The following GFOD2 variants were observed in gnomAD, a reference collection of about 807,000 sequenced individuals.
The protein encoded by GFOD2 is Gfo/Idh/MocA-like oxidoreductase domain containing 2.
GFOD2 carries 9 observed loss-of-function variants against 24.6 expected under a neutral mutation model. That is an observed-to-expected ratio of 0.37 (90% confidence interval 0.22 to 0.64). GFOD2 has a LOEUF of 0.64. Ranked by LOEUF, GFOD2 falls within the 30% of genes least tolerant of loss-of-function variation. GFOD2 has a pLI of 0.65. For synonymous variants in GFOD2, 211 were observed against 224.8 expected (o/e 0.94, Z 0.55); for missense variants, 476 against 532.5 (o/e 0.89, Z 1.04).
Position 67,685,466 on chromosome 16 carries a change from T to C in GFOD2, c.250A>G (p.Lys84Glu). The C allele has an allele frequency of 1.2e-6, 2 of 1,614,112 alleles. No homozygotes were observed. Among genetic ancestry groups the C allele is most frequent in the Non-Finnish European group, 8.5e-7 (1 of 1,180,018 alleles). ...PPPLTRQISV[K>E]ALGIGKNVVC... ...GGCCTGCCGGGCGTACCTAGAGCCT[T>C]CACGGATATCTGCCGGGTGAGTGGA... Residue 84 changes from lysine (K) to glutamate (E), a missense_variant, in exon 2 of 3, where the codon AAG (lysine) becomes GAG (glutamate). Lys to Glu is a moderately conservative substitution (Grantham distance 56). Coordinates refer to ENST00000268797, the MANE Select transcript of GFOD2 (RefSeq NM_030819.4).
chr16:67,700,017 GTGAGCCATTTT>G (rs1199947647), intron 1 of GFOD2, among the ~76,000 whole-genome samples: 1 of 152,144 alleles, frequency 6.6e-6, no homozygotes, highest in Non-Finnish European at 1.5e-5. Flanking sequence ...GGAGGTTGCA[GTGAGCCATTTT>G]TGCACCACTA....
intron 1 of GFOD2, among the ~76,000 whole-genome samples, chr16:67,710,465 C>T (rs1293156632): frequency 6.6e-6 from 1 of 150,964 alleles, no homozygotes; most frequent in African/African-American, 2.4e-5. Flanking sequence ...CCCGGGTTCA[C>T]GCCATTCTCC....
Position 67,691,510 on chromosome 16 carries a change from C to A in GFOD2, c.-87-5708G>T, listed in dbSNP as rs571277222. On this transcript the variant is annotated intron_variant, in intron 1 of 2. Transcript: ENST00000268797. The stretch of plus-strand genomic sequence containing the variant: ...GAAGCAAGTCACACTGTGCCTAGAC[C>A]CCCCCCCAAAAAAAAAAAAATTAAG... Among the ~76,000 whole-genome samples, 11 of 144,694 alleles carry A rather than the reference C, an allele frequency of 7.6e-5. No homozygotes were observed. In the East Asian group the frequency reaches 7.8e-4, roughly 10 times the overall value. 94.9% of individuals were successfully genotyped at this position (144,694 alleles called of 152,430 possible). A position where few individuals can be genotyped will look rare whatever the true frequency, so the allele number is the denominator to read the frequency against.
intron 2 of GFOD2, chr16:67,681,253 CAG>C (rs1351391197): frequency 2.0e-6 from 2 of 985,290 alleles, no homozygotes; most frequent in Non-Finnish European, 2.4e-6. Flanking sequence ...CTGCTGGCGA[CAG>C]AGTGGATACT....
chr16:67,710,980 C>T lies in GFOD2; in HGVS notation c.-88+8183G>A, dbSNP rs1259987198. ...TTGACATTGGTTGTGCAGTAAAAGG[C>T]ACAGCAGCCCAATGTCATTAAAAAC... On this transcript the variant is annotated intron_variant, in intron 1 of 2. Coordinates refer to ENST00000268797, the MANE Select transcript of GFOD2 (RefSeq NM_030819.4). Among the ~76,000 whole-genome samples, 4 of 152,276 alleles carry T rather than the reference C, an allele frequency of 2.6e-5. No individual in the cohort carries two copies. The East Asian group carries it at 7.7e-4, about 29-fold the overall frequency.
At chr16:67,688,032 T>C (rs1406899287) in intron 1 of GFOD2, among the ~76,000 whole-genome samples, 1 of 152,166 alleles carries the variant, frequency 6.6e-6, no homozygotes, top group Admixed American at 6.5e-5. Flanking sequence ...TTGGCTATCA[T>C]AGTGAAAAAC....
At chr16:67,676,655 T>G (rs1020150207) in intron 2 of GFOD2, 1 of 152,352 alleles carries the variant, frequency 6.6e-6, no homozygotes. Context: ...TAAGATTCCC[T>G]GCAGATTGTT....
At position 67,703,191 on chromosome 16, in the gene GFOD2, G is replaced by A. The variant is rs192680021; in HGVS notation, c.-88+15972C>T. 2.8e-3 allele frequency among the ~76,000 whole-genome samples: 425 copies of A among 152,210 alleles called. 1 individual carries two copies. Among genetic ancestry groups the A allele is most frequent in the Non-Finnish European group, 5.2e-3 (351 of 68,004 alleles). On this transcript the variant is annotated intron_variant, in intron 1 of 2. Transcript: ENST00000268797. ...GGCTGAGGCGGGCGGATCACCTGAG[G>A]TTGGGAGTTCCAGACCAGCCTGACC...
At chr16:67,680,829 A>C in intron 2 of GFOD2, 12 of 982,756 alleles carry the variant, frequency 1.2e-5, no homozygotes, top group Non-Finnish European at 1.5e-5. Context: ...TTTGTTACAT[A>C]TGTATACATG....
At chr16:67,689,688 G>C (rs1484422885) in intron 1 of GFOD2, among the ~76,000 whole-genome samples, 1 of 151,680 alleles carries the variant, frequency 6.6e-6, no homozygotes, top group South Asian at 2.1e-4. Flanking sequence ...AAAATAAATA[G>C]GTAAATAAAT....
chr16:67,676,009 C>T lies in GFOD2; in HGVS notation c.304G>A (p.Asp102Asn). 6.2e-7 allele frequency: 1 copy of T among 1,613,946 alleles called. No homozygotes were observed. The highest frequency in any genetic ancestry group is 8.5e-7 in the Non-Finnish European group (1 of 1,179,878). Reference protein sequence around the residue: ...VVCEKAATSVDAFRMVTASRY... With the variant: ...VVCEKAATSVNAFRMVTASRY... ...GAGGCTGTCACCATCCGGAAGGCAT[C>T]CACCGATGTTGCTGCCTTCTCGCAA... The change falls in exon 3 of 3, where the codon GAT becomes AAT. Residue 102 changes from aspartate to asparagine, a missense_variant. Coordinates refer to ENST00000268797, the MANE Select transcript of GFOD2 (RefSeq NM_030819.4).
Position 67,714,909 on chromosome 16 carries a change from T to C in GFOD2, c.-88+4254A>G, listed in dbSNP as rs1597806772. 2.0e-5 allele frequency among the ~76,000 whole-genome samples: 3 copies of C among 152,286 alleles called. No individual in the cohort carries two copies. In the South Asian group the frequency reaches 6.2e-4, roughly 32 times the overall value. ...ATATACATTTTATCACTGGCTACCTTGAGAAATGACAGTACCTTGGACAAA... is the reference window on the plus strand; with the variant it reads ...ATATACATTTTATCACTGGCTACCTCGAGAAATGACAGTACCTTGGACAAA... On this transcript the variant is annotated intron_variant, in intron 1 of 2. Transcript: ENST00000268797.
intron 2 of GFOD2, chr16:67,684,029 T>C: frequency 2.7e-6 from 1 of 365,498 alleles, no homozygotes; most frequent in African/African-American, 2.2e-5. Flanking sequence ...CAGCTTTGAA[T>C]GTCCAAAATG....
chr16:67,698,272 C>A (rs1335214235), intron 1 of GFOD2, among the ~76,000 whole-genome samples: 2 of 152,180 alleles, frequency 1.3e-5, no homozygotes, highest in Non-Finnish European at 2.9e-5. Context: ...AGTGACACAT[C>A]CCCACTCCGT....
Position 67,675,912 on chromosome 16 carries a change from T to C in GFOD2, c.401A>G (p.Lys134Arg). ...CACATAGTGTTCCGAAATCAGCTGT[T>C]TCATGCGCACGAAGGCAGGCAGGAA... ...LRFLPAFVRMKQLISEHYVGA... is the reference protein window; with the variant it reads ...LRFLPAFVRMRQLISEHYVGA... The change falls in exon 3 of 3, where the codon AAA (lysine) becomes AGA (arginine). Residue 134 changes from lysine to arginine, a missense_variant. Lys to Arg is a conservative substitution (Grantham distance 26, BLOSUM62 2). Transcript: ENST00000268797. 1 of 1,614,166 alleles carries C rather than the reference T, an allele frequency of 6.2e-7. No individual in the cohort carries two copies. The highest frequency in any genetic ancestry group is 8.5e-7 in the Non-Finnish European group (1 of 1,180,028).
intron 2 of GFOD2, chr16:67,681,099 G>A (rs755798778): frequency 5.8e-5 from 57 of 985,358 alleles, no homozygotes; most frequent in Non-Finnish European, 6.7e-5. Context: ...GACAATCACA[G>A]TTCTGGGGGT....
intron 1 of GFOD2, among the ~76,000 whole-genome samples, chr16:67,687,344 A>C (rs1249387356): frequency 6.6e-6 from 1 of 151,834 alleles, no homozygotes; most frequent in Admixed American, 6.6e-5. Flanking sequence ...AAGTATGCTT[A>C]AAGAGATTTT....
chr16:67,680,702 C>T, intron 2 of GFOD2: 18 of 982,208 alleles, frequency 1.8e-5, no homozygotes, highest in Non-Finnish European at 2.1e-5. Context: ...AGGAACAAGG[C>T]ATGTGGATTG....
At chr16:67,714,893 T>C (rs929767373) in intron 1 of GFOD2, among the ~76,000 whole-genome samples, 4 of 152,148 alleles carry the variant, frequency 2.6e-5, no homozygotes, top group African/African-American at 4.8e-5. Context: ...TATATACATT[T>C]TATCACTGGC....
Sources: gnomAD v4.1 joint callset for allele counts (sites outside exome capture counted in the v4.1 genomes callset) on GRCh38, gnomAD v4.1.1 for gene constraint, MANE v1.5 for transcripts, NCBI Gene and HGNC (gene_info 2026-07-23, HGNC 2026-07-21) for gene names.